Variants in PGM2 observed in about 807,000 individuals in gnomAD.
PGM2 encodes the protein phosphopentomutase.
PGM2 carries 57 observed loss-of-function variants against 74.6 expected under a neutral mutation model. The observed-to-expected ratio is 0.76, with a 90% CI of 0.62 to 0.95. PGM2 has a LOEUF of 0.95. Ranked by LOEUF, PGM2 falls within the 40% of genes least tolerant of loss-of-function variation. PGM2 has a pLI of 0.00. For synonymous variants in PGM2, 273 were observed against 260.7 expected (o/e 1.05, Z -0.46); for missense variants, 706 against 741.9 (o/e 0.95, Z 0.56).
At chr4:37,849,222 A>T (rs1424281549) in intron 11 of PGM2, among the ~76,000 whole-genome samples, 1 of 152,178 alleles carries the variant, frequency 6.6e-6, no homozygotes, top group Admixed American at 6.5e-5. Context: ...ATCAAAAAAG[A>T]TTGAATGTCT....
At chr4:37,842,829 T>A (rs564961293) in intron 6 of PGM2, among the ~76,000 whole-genome samples, 1 of 152,086 alleles carries the variant, frequency 6.6e-6, no homozygotes, top group African/African-American at 2.4e-5. Context: ...CTCTGCTAAT[T>A]TTTTGTATTT....
Position 37,840,092 on chromosome 4 carries a change from C to A in PGM2, c.552C>A (p.Ile184=), listed in dbSNP as rs1213208805. ...TCTATTGGGATAATGGAGCTCAGAT[C>A]ATTTCTCCTCACGATAAAGGGATTT... is the stretch of plus-strand genomic sequence containing the variant. ...YKVYWDNGAQ[I]ISPHDKGISQ... Residue 184 remains isoleucine (I), a synonymous_variant, in exon 6 of 14, where the codon ATC becomes ATA. Transcript: ENST00000381967. 6 of 1,613,752 alleles carry A rather than the reference C, an allele frequency of 3.7e-6. No homozygotes were observed. The highest frequency in any genetic ancestry group is 5.1e-6 in the Non-Finnish European group (6 of 1,179,796).
chr4:37,855,782 G>C (rs1257591424), intron 13 of PGM2, 41 bp downstream of exon 13: 1 of 1,548,526 alleles, frequency 6.5e-7, no homozygotes, highest in Non-Finnish European at 8.7e-7. Flanking sequence ...TTACTCCCCA[G>C]ACTTCCTAAC....
At chr4:37,843,936 A>G (rs1262176897) in intron 6 of PGM2, among the ~76,000 whole-genome samples, 1 of 152,220 alleles carries the variant, frequency 6.6e-6, no homozygotes, top group Non-Finnish European at 1.5e-5. Flanking sequence ...TAAAAAGGAC[A>G]TTTTGAAAAT....
At chr4:37,852,120 A>G (rs1392173013) in intron 12 of PGM2, among the ~76,000 whole-genome samples, 8 of 136,788 alleles carry the variant, frequency 5.8e-5, no homozygotes, top group Non-Finnish European at 1.2e-4. Context: ...AGGGTATGCC[A>G]TCATGCCCAG....
At chr4:37,848,458 T>C in intron 10 of PGM2, 64 bp from the exon 11 acceptor site, 1 of 1,413,566 alleles carries the variant, frequency 7.1e-7, no homozygotes, top group Non-Finnish European at 9.8e-7. Context: ...ATAGCCAGGA[T>C]TCATACTCAT....
At chr4:37,848,912 A>C (rs1325472999) in intron 11 of PGM2, among the ~76,000 whole-genome samples, 1 of 152,042 alleles carries the variant, frequency 6.6e-6, no homozygotes, top group African/African-American at 2.4e-5. Flanking sequence ...TCCACTAAAC[A>C]TACAAAAATT....
intron 6 of PGM2, among the ~76,000 whole-genome samples, chr4:37,843,761 C>T (rs1336387038): frequency 2.6e-5 from 4 of 151,984 alleles, no homozygotes; most frequent in Non-Finnish European, 5.9e-5. Context: ...AGGCATGCAC[C>T]ACCATGCCCA....
At chr4:37,830,816 C>T (rs948385197) in intron 2 of PGM2, among the ~76,000 whole-genome samples, 11 of 152,090 alleles carry the variant, frequency 7.2e-5, no homozygotes, top group Non-Finnish European at 1.2e-4. Flanking sequence ...TTACATGTGC[C>T]TCACGTATAC....
intron 13 of PGM2, among the ~76,000 whole-genome samples, chr4:37,856,350 A>C (rs541482223): frequency 2.0e-4 from 30 of 152,254 alleles, no homozygotes; most frequent in Non-Finnish European, 3.8e-4. Context: ...GCGCCACTGC[A>C]CTCCAGCCTG....
intron 12 of PGM2, 21 bp downstream of exon 12, chr4:37,850,394 T>G (rs1726007312): frequency 7.7e-7 from 1 of 1,304,842 alleles, no homozygotes; most frequent in East Asian, 2.6e-5. Context: ...TCTTCTCTTT[T>G]CAACTAACCT....
intron 10 of PGM2, among the ~76,000 whole-genome samples, chr4:37,847,932 C>G (rs886627203): frequency 6.6e-6 from 1 of 152,260 alleles, no homozygotes; most frequent in African/African-American, 2.4e-5. Flanking sequence ...CTCTGCAACA[C>G]TAACACATGA....
chr4:37,831,192 C>CAAAAAAA (rs11432971), intron 2 of PGM2, among the ~76,000 whole-genome samples: 30,440 of 73,278 alleles, frequency 0.42, 7,577 homozygotes, highest in Non-Finnish European at 0.56. Context: ...GACTCTGTCT[C>CAAAAAAA]AAAAAAAAAA....
At chr4:37,844,128 T>C (rs2152178041) in intron 6 of PGM2, among the ~76,000 whole-genome samples, 1 of 152,228 alleles carries the variant, frequency 6.6e-6, no homozygotes, top group East Asian at 1.9e-4. Context: ...CTAGATGGGA[T>C]GCATAAAACA....
chr4:37,847,459 A>C (rs1725908541), intron 10 of PGM2, 164 bp downstream of exon 10: 1 of 581,254 alleles, frequency 1.7e-6, no homozygotes, highest in Non-Finnish European at 3.0e-6. Flanking sequence ...CAGATGATTT[A>C]CAGCCAAAAG....
intron 6 of PGM2, 57 bp downstream of exon 6, chr4:37,840,316 C>A: frequency 3.0e-6 from 3 of 1,008,272 alleles, no homozygotes; most frequent in South Asian, 1.4e-5. Flanking sequence ...CAGCCAAATT[C>A]TATTAGTGTT....
At chr4:37,837,491 C>T in intron 3 of PGM2, 38 bp from the exon 4 acceptor site, 2 of 1,244,496 alleles carry the variant, frequency 1.6e-6, no homozygotes, top group Non-Finnish European at 2.4e-6. Flanking sequence ...CCTGATCACT[C>T]AACTCTCCTT....
chr4:37,835,710 CAG>C lies in PGM2; in HGVS notation c.356+988_356+989del, dbSNP rs1270759809. ...CCCATCAGGAGCTTCCAATCTAAGA[CAG>C]AAGCACTCGTGGGGACAAACGTGTG... On this transcript the variant is annotated intron_variant, in intron 3 of 13. Coordinates refer to ENST00000381967, the MANE Select transcript of PGM2 (RefSeq NM_018290.4). 2.6e-5 allele frequency among the ~76,000 whole-genome samples: 4 copies of C among 152,192 alleles called. No homozygotes were observed. The East Asian group carries it at 7.7e-4, about 29-fold the overall frequency.
At chr4:37,832,082 C>T (rs1035462429) in intron 2 of PGM2, among the ~76,000 whole-genome samples, 1 of 152,156 alleles carries the variant, frequency 6.6e-6, no homozygotes, top group South Asian at 2.1e-4. Context: ...TGGGGGTAAA[C>T]CCTGTGGTAA....
Sources: allele counts gnomAD v4.1 joint callset (sites outside exome capture counted in the v4.1 genomes callset), GRCh38; gene constraint gnomAD v4.1.1; transcripts MANE v1.5; gene names NCBI Gene and HGNC (gene_info 2026-07-23, HGNC 2026-07-21).